The following WDR48 variants were observed in gnomAD, a reference collection of about 807,000 sequenced individuals.
WDR48 encodes the protein WD repeat-containing protein 48.
In WDR48, 22 loss-of-function variants were observed where a neutral mutation model predicts 94.0. That is an observed-to-expected ratio of 0.23 (90% CI 0.17 to 0.33). WDR48 has a LOEUF of 0.33. Among genes scored for constraint, WDR48 ranks in the 10% least tolerant of loss-of-function variants. The pLI is 1.00. For missense variants in WDR48, 541 were observed against 813.8 expected (o/e 0.66, Z 4.08); for synonymous variants, 278 against 280.5 (o/e 0.99, Z 0.09).
intron 9 of WDR48, 139 bp from the exon 10 acceptor site, chr3:39,077,998 A>T (rs2034315312): frequency 1.6e-6 from 1 of 610,574 alleles, no homozygotes; most frequent in Non-Finnish European, 2.9e-6. Context: ...TTGTACTGTG[A>T]CCAAATATTT....
chr3:39,077,279 G>A (rs765920498), intron 9 of WDR48, 66 bp downstream of exon 9: 67 of 1,574,280 alleles, frequency 4.3e-5, no homozygotes, highest in Middle Eastern at 1.7e-4. Flanking sequence ...ACCTGTAGAC[G>A]CCAGTTGCAA....
chr3:39,055,434 G>A (rs1296939793), intron 1 of WDR48, among the ~76,000 whole-genome samples: 1 of 152,160 alleles, frequency 6.6e-6, no homozygotes, highest in Non-Finnish European at 1.5e-5. Flanking sequence ...GCAGTGGGCC[G>A]AGATTGTACC....
chr3:39,085,143 C>G (rs545351018), intron 13 of WDR48, among the ~76,000 whole-genome samples: 1 of 151,882 alleles, frequency 6.6e-6, no homozygotes, highest in Non-Finnish European at 1.5e-5. Flanking sequence ...AGGAGAATGG[C>G]GTGAACCCGG....
intron 7 of WDR48, among the ~76,000 whole-genome samples, chr3:39,073,791 A>G (rs1241299951): frequency 6.6e-6 from 1 of 152,196 alleles, no homozygotes; most frequent in East Asian, 1.9e-4. Context: ...GCTCATATGG[A>G]AAGTGTCCAA....
chr3:39,052,960 A>G (rs1030885038), intron 1 of WDR48, among the ~76,000 whole-genome samples: 2 of 152,236 alleles, frequency 1.3e-5, no homozygotes, highest in African/African-American at 2.4e-5. Flanking sequence ...AGCATGGCAC[A>G]CGTATACCTA....
chr3:39,094,818 C>G lies in WDR48; in HGVS notation c.*75C>G, dbSNP rs968620024. ...CCCAAGAGTAGTCCTAGGAAGCCCACTGATCCCCAACGGGAGCAAGACTTC... is the reference window on the plus strand; with the variant it reads ...CCCAAGAGTAGTCCTAGGAAGCCCAGTGATCCCCAACGGGAGCAAGACTTC... On this transcript the variant is annotated 3_prime_UTR_variant, in exon 19 of 19. Coordinates refer to ENST00000302313, the MANE Select transcript of WDR48 (RefSeq NM_020839.4). 1 of 1,562,614 alleles carries G rather than the reference C, an allele frequency of 6.4e-7. No individual in the cohort carries two copies. The highest frequency in any genetic ancestry group is 1.2e-5 in the South Asian group (1 of 85,202).
intron 6 of WDR48, 26 bp downstream of exon 6, chr3:39,068,885 TAA>T: frequency 8.9e-6 from 12 of 1,344,064 alleles, no homozygotes; most frequent in South Asian, 4.4e-5. Context: ...TTTCTTTATT[TAA>T]AAAAAAAAAT....
chr3:39,078,106 C>T (rs1386818935), intron 9 of WDR48, 31 bp from the exon 10 acceptor site: 3 of 1,522,068 alleles, frequency 2.0e-6, no homozygotes, highest in Admixed American at 3.5e-5. Flanking sequence ...TAGAGCATAA[C>T]ATGATCAAAT....
chr3:39,064,335 G>A (rs967633501), intron 2 of WDR48, among the ~76,000 whole-genome samples: 13 of 150,018 alleles, frequency 8.7e-5, no homozygotes, highest in East Asian at 7.8e-4. Context: ...GTGCAGTGGC[G>A]CGATCTTGGC....
intron 1 of WDR48, 52 bp from the exon 2 acceptor site, chr3:39,062,998 A>T: frequency 1.3e-6 from 2 of 1,597,778 alleles, no homozygotes; most frequent in Non-Finnish European, 1.7e-6. Context: ...ACTATATTTT[A>T]TTACTGCATG....
chr3:39,080,230 A>G (rs921288585), intron 11 of WDR48, among the ~76,000 whole-genome samples: 2 of 152,192 alleles, frequency 1.3e-5, no homozygotes, highest in African/African-American at 4.8e-5. Flanking sequence ...GGCAACCACA[A>G]GTGTCTCCAC....
chr3:39,075,479 G>T, intron 8 of WDR48, among the ~76,000 whole-genome samples: 1 of 152,086 alleles, frequency 6.6e-6, no homozygotes, highest in Non-Finnish European at 1.5e-5. Context: ...AGAGGGAGCA[G>T]GCTGCTTCAT....
intron 1 of WDR48, among the ~76,000 whole-genome samples, chr3:39,059,284 C>A (rs1410644306): frequency 5.3e-5 from 8 of 152,048 alleles, no homozygotes; most frequent in African/African-American, 1.4e-4. Context: ...GGTGGTGAAT[C>A]TTCATGACAC....
chr3:39,066,015 A>G (rs2033583185), intron 3 of WDR48, 126 bp downstream of exon 3: 1 of 608,246 alleles, frequency 1.6e-6, no homozygotes. Context: ...ACACAATTTT[A>G]GAAAGTGAAT....
In WDR48 at chr3:39,064,532, C is replaced by T. The variant is rs902926434; in HGVS notation, c.190-1279C>T. Among the ~76,000 whole-genome samples the T allele has an allele frequency of 3.9e-5, 6 of 152,266 alleles. No individual in the cohort carries two copies. The Middle Eastern group carries it at 0.014, about 345-fold the overall frequency. On this transcript the variant is annotated intron_variant, in intron 2 of 18. Coordinates refer to ENST00000302313, the MANE Select transcript of WDR48 (RefSeq NM_020839.4). ...TCAGATAATCCAACTGCCTTGGCCT[C>T]CCAAAGTGCTGGTATTACAGGCGTG...
chr3:39,060,342 T>C (rs2033173604), intron 1 of WDR48, among the ~76,000 whole-genome samples: 1 of 152,076 alleles, frequency 6.6e-6, no homozygotes, highest in Non-Finnish European at 1.5e-5. Context: ...TTTTGTAAAA[T>C]ATGTGGCTTC....
At chr3:39,082,719 A>G (rs894962017) in intron 11 of WDR48, among the ~76,000 whole-genome samples, 11 of 152,186 alleles carry the variant, frequency 7.2e-5, no homozygotes, top group Admixed American at 1.3e-4. Flanking sequence ...GGAGAAAAGG[A>G]CATGCTGAGA....
chr3:39,080,215 G>C (rs892669776), intron 11 of WDR48, among the ~76,000 whole-genome samples: 50 of 152,286 alleles, frequency 3.3e-4, no homozygotes, highest in African/African-American at 1.2e-3. Context: ...CCTCCCCCTA[G>C]GTGTGGCAAC....
intron 7 of WDR48, among the ~76,000 whole-genome samples, chr3:39,073,387 C>G (rs981138609): frequency 2.0e-5 from 3 of 152,170 alleles, no homozygotes; most frequent in African/African-American, 7.2e-5. Context: ...TTTAATTAAA[C>G]ATGCTTAGAG....
Sources: allele counts gnomAD v4.1 joint callset (sites outside exome capture counted in the v4.1 genomes callset), GRCh38; gene constraint gnomAD v4.1.1; transcripts MANE v1.5; gene names NCBI Gene and HGNC (gene_info 2026-07-23, HGNC 2026-07-21).